ATXN1: variants seen among roughly 807,000 people sequenced by gnomAD.
ATXN1 encodes ataxin 1, also known as ataxin-1.
A neutral mutation model predicts 56.4 loss-of-function variants in ATXN1; 8 were observed. The observed-to-expected ratio is 0.14, with a 90% confidence interval of 0.08 to 0.26. The LOEUF (loss-of-function observed/expected upper bound fraction) is 0.26, where lower values mean the gene tolerates loss of function less well. Among genes scored for constraint, ATXN1 ranks in the 10% least tolerant of loss-of-function variants. The pLI is 1.00. For missense variants in ATXN1, 987 were observed against 1,106.5 expected, an observed-to-expected ratio of 0.89 and a Z score of 1.53; for synonymous variants, 514 against 494.6, an observed-to-expected ratio of 1.04 and a Z score of -0.52.
At chr6:16,633,104 T>C (rs911639076) in intron 3 of ATXN1, among the ~76,000 whole-genome samples, 2 of 152,116 alleles carry the variant, frequency 1.3e-5, no homozygotes, top group East Asian at 3.9e-4. Flanking sequence ...ATGAGAAACA[T>C]AAATACATTT....
chr6:16,361,532 T>C (rs529951956), intron 6 of ATXN1, among the ~76,000 whole-genome samples: 1 of 152,286 alleles, frequency 6.6e-6, no homozygotes, highest in Non-Finnish European at 1.5e-5. Flanking sequence ...TAAATGTAGA[T>C]TATATGCTAA....
In ATXN1 at chr6:16,327,972, G is replaced by A. The variant is rs1159913168; in HGVS notation, c.339C>T (p.Thr113=). 3 of 1,613,508 alleles carry A rather than the reference G, an allele frequency of 1.9e-6. No homozygotes were observed. The highest frequency in any genetic ancestry group is 2.5e-6 in the Non-Finnish European group (3 of 1,179,792). Residue 113 remains threonine (T), a synonymous_variant, in exon 7 of 8, where the codon ACC becomes ACT. Coordinates refer to ENST00000436367, the MANE Select transcript of ATXN1 (RefSeq NM_001128164.2). The stretch of plus-strand genomic sequence containing the variant: ...GAGCGTACTGCACGGGGGACACCGG[G>A]GTCCCTGGCTGCGGGGTGGCGTACG... ...PAAYATPQPG[T]PVSPVQYAHL...
intron 3 of ATXN1, among the ~76,000 whole-genome samples, chr6:16,610,976 G>C (rs1763096045): frequency 6.6e-6 from 1 of 152,048 alleles, no homozygotes; most frequent in South Asian, 2.1e-4. Context: ...GCTGCAGCGA[G>C]TTATGATCCC....
intron 6 of ATXN1, among the ~76,000 whole-genome samples, chr6:16,480,434 T>A (rs1263815055): frequency 1.3e-5 from 2 of 152,130 alleles, no homozygotes; most frequent in Admixed American, 1.3e-4. Context: ...TCAATTTAGA[T>A]GTCTTCCCTG....
At position 16,611,381 on chromosome 6, in the gene ATXN1, C is replaced by T. The variant is rs189722067; in HGVS notation, c.-488-25474G>A. On this transcript the variant is annotated intron_variant, in intron 3 of 7. Transcript: ENST00000436367. ...GTATTACAGACAGTAAATCATATCA[C>T]ACAAAATGGAAAATGAGGGAAATAT... Among the ~76,000 whole-genome samples the T allele has an allele frequency of 1.2e-4, 19 of 152,180 alleles. No individual in the cohort carries two copies. The East Asian group carries it at 3.1e-3, about 25-fold the overall frequency.
intron 6 of ATXN1, among the ~76,000 whole-genome samples, chr6:16,404,449 G>C (rs1301480092): frequency 6.6e-6 from 1 of 152,132 alleles, no homozygotes; most frequent in African/African-American, 2.4e-5. Flanking sequence ...CAATGAGAGG[G>C]CGTCTGGTTC....
At chr6:16,383,524 A>G (rs183804418) in intron 6 of ATXN1, among the ~76,000 whole-genome samples, 20 of 152,334 alleles carry the variant, frequency 1.3e-4, no homozygotes, top group African/African-American at 4.3e-4. Flanking sequence ...ATAATTCACC[A>G]CTTATTAAAA....
At chr6:16,423,939 C>T (rs571270997) in intron 6 of ATXN1, among the ~76,000 whole-genome samples, 4 of 152,266 alleles carry the variant, frequency 2.6e-5, no homozygotes, top group South Asian at 2.1e-4. Flanking sequence ...ACTAGCCTTA[C>T]GAGAATGCTA....
chr6:16,655,569 A>G (rs1758181535), intron 3 of ATXN1, among the ~76,000 whole-genome samples: 1 of 152,150 alleles, frequency 6.6e-6, no homozygotes. Context: ...GAAGTCCTAA[A>G]AATTCAGTGA....
chr6:16,480,791 T>C (rs1206352760), intron 6 of ATXN1, among the ~76,000 whole-genome samples: 1 of 152,138 alleles, frequency 6.6e-6, no homozygotes, highest in Middle Eastern at 3.2e-3. Flanking sequence ...AACGTCTGGG[T>C]GTTCTTTGCA....
intron 5 of ATXN1, among the ~76,000 whole-genome samples, chr6:16,492,163 T>G (rs75517189): frequency 0.046 from 7,068 of 152,118 alleles, 420 homozygotes; most frequent in East Asian, 0.23. Context: ...ATGCCTGGAC[T>G]TCGCACCTCC....
chr6:16,407,045 G>A (rs1758700609), intron 6 of ATXN1, among the ~76,000 whole-genome samples: 2 of 152,188 alleles, frequency 1.3e-5, no homozygotes, highest in South Asian at 4.1e-4. Flanking sequence ...CAAAGAACAA[G>A]CATTTCTAAC....
At chr6:16,412,245 G>A (rs756333199) in intron 6 of ATXN1, among the ~76,000 whole-genome samples, 15 of 152,058 alleles carry the variant, frequency 9.9e-5, no homozygotes, top group Admixed American at 1.3e-4. Context: ...ACTTTCACCC[G>A]GAAACTCAAA....
intron 2 of ATXN1, among the ~76,000 whole-genome samples, chr6:16,679,765 CG>C (rs1402164977): frequency 6.6e-6 from 1 of 152,012 alleles, no homozygotes; most frequent in Non-Finnish European, 1.5e-5. Context: ...TACAGTTAAA[CG>C]GGGGGATTAG....
intron 3 of ATXN1, among the ~76,000 whole-genome samples, chr6:16,645,354 G>T (rs1763783126): frequency 6.6e-6 from 1 of 152,176 alleles, no homozygotes; most frequent in Admixed American, 6.5e-5. Flanking sequence ...GAAGAATTCT[G>T]GTCCTGAGGA....
At chr6:16,730,225 C>T (rs796691457) in intron 2 of ATXN1, among the ~76,000 whole-genome samples, 7 of 152,154 alleles carry the variant, frequency 4.6e-5, no homozygotes, top group African/African-American at 1.4e-4. Flanking sequence ...ATTACAGTGA[C>T]GTGAGATTGT....
chr6:16,564,307 T>C (rs1268342867), intron 4 of ATXN1, among the ~76,000 whole-genome samples: 1 of 118,026 alleles, frequency 8.5e-6, no homozygotes, highest in East Asian at 3.2e-4. Flanking sequence ...AACAAATGTG[T>C]AAAATGAAAA....
intron 2 of ATXN1, among the ~76,000 whole-genome samples, chr6:16,722,954 G>A (rs1429003761): frequency 6.6e-6 from 1 of 152,164 alleles, no homozygotes; most frequent in Non-Finnish European, 1.5e-5. Flanking sequence ...AAATACAGAA[G>A]TATTTTCTAC....
rs547688407 is a variant in ATXN1, at chr6:16,314,169, T to C, written c.1918-7310A>G. Among the ~76,000 whole-genome samples, 24 of 152,108 alleles carry C rather than the reference T, an allele frequency of 1.6e-4. No individual in the cohort carries two copies. The South Asian group carries it at 1.7e-3, about 11-fold the overall frequency. On this transcript the variant is annotated intron_variant, in intron 7 of 7. Coordinates refer to ENST00000436367, the MANE Select transcript of ATXN1 (RefSeq NM_001128164.2). ...CCTAGACAATGTACTTTTTCCCCCT[T>C]GGGGTCTGAATGTATGAGAAGTAAA...
Sources: gnomAD v4.1 joint callset for allele counts (sites outside exome capture counted in the v4.1 genomes callset) on GRCh38, gnomAD v4.1.1 for gene constraint, MANE v1.5 for transcripts, NCBI Gene and HGNC (gene_info 2026-07-23, HGNC 2026-07-21) for gene names.